DPP10: variants seen among roughly 807,000 people sequenced by gnomAD.
DPP10 encodes the protein inactive dipeptidyl peptidase 10.
DPP10 carries 33 observed loss-of-function variants against 120.9 expected under a neutral mutation model. That is an observed-to-expected ratio of 0.27 (90% confidence interval 0.21 to 0.37). The LOEUF (loss-of-function observed/expected upper bound fraction) is 0.37. Ranked by LOEUF, DPP10 falls within the 10% of genes least tolerant of loss-of-function variation. DPP10 has a pLI of 1.00. For missense variants in DPP10, 816 were observed against 942.8 expected (o/e 0.87, Z 1.76); for synonymous variants, 337 against 326.1 (o/e 1.03, Z -0.36).
At chr2:115,800,540 G>A (rs189354777) in intron 19 of DPP10, among the ~76,000 whole-genome samples, 2,465 of 151,680 alleles carry the variant, frequency 0.016, 75 homozygotes, top group African/African-American at 0.055. Flanking sequence ...TGTTGCCTAG[G>A]TTTTCTTCTA....
chr2:115,614,781 A>C (rs1024250433), intron 5 of DPP10, among the ~76,000 whole-genome samples: 1 of 152,186 alleles, frequency 6.6e-6, no homozygotes, highest in Non-Finnish European at 1.5e-5. Context: ...ACGTCTCCAG[A>C]ATTATCATAG....
chr2:115,304,916 C>T (rs2061298374), intron 1 of DPP10, among the ~76,000 whole-genome samples: 1 of 151,968 alleles, frequency 6.6e-6, no homozygotes, highest in South Asian at 2.1e-4. Context: ...CTAAACTGTT[C>T]CCTGAAGGAT....
Position 115,840,137 on chromosome 2 carries a change from T to A in DPP10, c.2183-613T>A, listed in dbSNP as rs145527886. Among the ~76,000 whole-genome samples, 22 of 151,644 alleles carry A rather than the reference T, an allele frequency of 1.5e-4. 1 individual carries two copies. In the East Asian group the frequency reaches 4.1e-3, roughly 28 times the overall value. On this transcript the variant is annotated intron_variant, in intron 24 of 25. Coordinates refer to ENST00000410059, the MANE Select transcript of DPP10 (RefSeq NM_020868.6). ...ATTTTATAAAATTTATAAAAATATG[T>A]GTACCATTAGGAATAATAAATACTA... is the stretch of plus-strand genomic sequence containing the variant.
intron 1 of DPP10, among the ~76,000 whole-genome samples, chr2:114,798,614 G>A (rs1683915702): frequency 6.6e-6 from 1 of 152,114 alleles, no homozygotes; most frequent in Admixed American, 6.5e-5. Flanking sequence ...AAAGTGCAGT[G>A]CTGGAAGCCA....
At chr2:115,220,977 A>G (rs1310859274) in intron 1 of DPP10, among the ~76,000 whole-genome samples, 1 of 151,622 alleles carries the variant, frequency 6.6e-6, no homozygotes, top group Non-Finnish European at 1.5e-5. Context: ...CGAAGCCAAA[A>G]TGGTAATCAG....
At chr2:114,867,577 A>G (rs539238076) in intron 1 of DPP10, among the ~76,000 whole-genome samples, 8 of 152,252 alleles carry the variant, frequency 5.3e-5, no homozygotes, top group African/African-American at 1.9e-4. Flanking sequence ...TATGCAGTGT[A>G]TTGCAATTAC....
intron 1 of DPP10, among the ~76,000 whole-genome samples, chr2:114,682,000 A>G (rs1172839935): frequency 6.6e-6 from 1 of 151,986 alleles, no homozygotes; most frequent in Non-Finnish European, 1.5e-5. Context: ...AAAAGCTCAG[A>G]AGAGATGAGT....
intron 1 of DPP10, among the ~76,000 whole-genome samples, chr2:114,644,723 T>A (rs141827367): frequency 1.3e-5 from 2 of 152,066 alleles, no homozygotes; most frequent in Non-Finnish European, 2.9e-5. Flanking sequence ...TCTTCTGTAG[T>A]TATTCAGTCA....
intron 3 of DPP10, among the ~76,000 whole-genome samples, chr2:115,473,530 CT>C (rs1238981830): frequency 6.6e-6 from 1 of 152,070 alleles, no homozygotes; most frequent in East Asian, 1.9e-4. Flanking sequence ...ATGGGGTAAA[CT>C]TTTTATAACA....
chr2:114,637,823 C>T (rs1229908451), intron 1 of DPP10, among the ~76,000 whole-genome samples: 19 of 151,588 alleles, frequency 1.3e-4, no homozygotes, highest in African/African-American at 4.4e-4. Flanking sequence ...CTAGGTTTTC[C>T]GTTCTGTTCC....
chr2:115,039,945 A>C (rs1418236296), intron 1 of DPP10, among the ~76,000 whole-genome samples: 2 of 152,090 alleles, frequency 1.3e-5, no homozygotes, highest in East Asian at 3.9e-4. Context: ...TACATGGCCC[A>C]TACAGGAGGA....
At chr2:114,473,671 A>G (rs1367253484) in intron 1 of DPP10, among the ~76,000 whole-genome samples, 1 of 152,196 alleles carries the variant, frequency 6.6e-6, no homozygotes, top group African/African-American at 2.4e-5. Context: ...TAGAGGACTC[A>G]TGAAGTTACA....
chr2:114,537,383 A>G (rs1249599722), intron 1 of DPP10, among the ~76,000 whole-genome samples: 1 of 152,210 alleles, frequency 6.6e-6, no homozygotes, highest in Non-Finnish European at 1.5e-5. Flanking sequence ...CAGAAAGAAA[A>G]AAAAACAGTT....
intron 1 of DPP10, among the ~76,000 whole-genome samples, chr2:115,190,325 T>C (rs1482699891): frequency 6.7e-6 from 1 of 150,208 alleles, no homozygotes; most frequent in Non-Finnish European, 1.5e-5. Flanking sequence ...AGGACCCATG[T>C]GAGGCACTTC....
intron 1 of DPP10, among the ~76,000 whole-genome samples, chr2:114,629,840 A>T (rs1694787366): frequency 6.6e-6 from 1 of 152,222 alleles, no homozygotes; most frequent in Non-Finnish European, 1.5e-5. Flanking sequence ...ACTTTTTAAA[A>T]TATTCAAAAT....
At chr2:115,337,061 G>A (rs2063182416) in intron 2 of DPP10, among the ~76,000 whole-genome samples, 1 of 151,334 alleles carries the variant, frequency 6.6e-6, no homozygotes, top group South Asian at 2.1e-4. Flanking sequence ...GAGTTCCGTT[G>A]TAACTATAAA....
intron 1 of DPP10, among the ~76,000 whole-genome samples, chr2:114,914,854 G>C (rs552318622): frequency 1.3e-5 from 2 of 152,212 alleles, no homozygotes; most frequent in African/African-American, 4.8e-5. Context: ...AAATGGGGCC[G>C]GGCGCGGTGG....
At chr2:114,829,065 GATCACGAGGTCAGGAGTTC>G (rs1403130751) in intron 1 of DPP10, among the ~76,000 whole-genome samples, 2 of 152,110 alleles carry the variant, frequency 1.3e-5, no homozygotes, top group Non-Finnish European at 2.9e-5. Flanking sequence ...GAGGAGAGTG[GATCACGAGGTCAGGAGTTC>G]AAGACCACCC....
chr2:115,039,718 T>G (rs1704492515), intron 1 of DPP10, among the ~76,000 whole-genome samples: 1 of 152,202 alleles, frequency 6.6e-6, no homozygotes, highest in Non-Finnish European at 1.5e-5. Flanking sequence ...AGTTTTGGGT[T>G]CTAAAGACTG....
Sources: gnomAD v4.1 joint callset for allele counts (sites outside exome capture counted in the v4.1 genomes callset) on GRCh38, gnomAD v4.1.1 for gene constraint, MANE v1.5 for transcripts, NCBI Gene and HGNC (gene_info 2026-07-23, HGNC 2026-07-21) for gene names.